Variants in MROH9 observed in about 807,000 individuals in gnomAD.
MROH9 encodes maestro heat like repeat family member 9.
MROH9 carries 92 observed loss-of-function variants against 98.2 expected under a neutral mutation model. That is an observed-to-expected ratio of 0.94 (90% confidence interval 0.79 to 1.11). MROH9 has a LOEUF of 1.11. Ranked by LOEUF, MROH9 falls within the 50% of genes most tolerant of loss-of-function variation. The pLI is 0.00. For missense variants in MROH9, 1,057 were observed against 1,014.8 expected, an observed-to-expected ratio of 1.04 and a Z score of -0.57; for synonymous variants, 397 against 368.9, an observed-to-expected ratio of 1.08 and a Z score of -0.87.
chr1:170,965,526 C>A (rs1314855654), intron 7 of MROH9, among the ~76,000 whole-genome samples: 2 of 152,142 alleles, frequency 1.3e-5, no homozygotes, highest in Non-Finnish European at 2.9e-5. Flanking sequence ...CTGAAATTTC[C>A]TCTGTAGACC....
chr1:171,016,267 C>T lies in MROH9; in HGVS notation c.1839C>T (p.Asn613=), dbSNP rs16863939. 0.012 allele frequency: 17,966 copies of T among 1,538,968 alleles called. 1,075 individuals are homozygous for T. The African/African-American group carries it at 0.16, about 14-fold the overall frequency. Residue 613 remains asparagine, a synonymous_variant, in exon 17 of 22, where the codon AAC becomes AAT. Transcript: ENST00000367759. Reference sequence around the variant, plus strand: ...TGCTCACCCTTAGAAGGCTTTTAAACGAACTGGACAAAGTGACCTACTCTT... The same window carrying T: ...TGCTCACCCTTAGAAGGCTTTTAAATGAACTGGACAAAGTGACCTACTCTT... The part of the protein sequence containing the change: ...QALLTLRRLL[N]ELDKVTYSLG...
chr1:171,016,420 A>G, intron 17 of MROH9, 84 bp downstream of exon 17: 1 of 1,078,138 alleles, frequency 9.3e-7, no homozygotes, highest in South Asian at 3.0e-5. Context: ...GTTAGGTCAC[A>G]GAATAAGCCA....
intron 1 of MROH9, among the ~76,000 whole-genome samples, chr1:170,941,444 T>C (rs1484061253): frequency 6.6e-6 from 1 of 152,224 alleles, no homozygotes; most frequent in Non-Finnish European, 1.5e-5. Context: ...CTAGAACTTT[T>C]ATGCTTATAC....
intron 15 of MROH9, among the ~76,000 whole-genome samples, chr1:171,005,836 C>T (rs1475754508): frequency 6.6e-6 from 1 of 152,154 alleles, no homozygotes; most frequent in Non-Finnish European, 1.5e-5. Flanking sequence ...TCCTTACCTG[C>T]TCCCATTTTA....
At position 170,996,558 on chromosome 1, in the gene MROH9, G is replaced by T; in HGVS notation, c.1389G>T (p.Gln463His). 6.2e-7 allele frequency: 1 copy of T among 1,613,662 alleles called. No individual in the cohort carries two copies. The highest frequency in any genetic ancestry group is 8.5e-7 in the Non-Finnish European group (1 of 1,179,710). The stretch of plus-strand genomic sequence containing the variant: ...TGCTGAATTGTTCTGGACTGCAACA[G>T]GTGGATATTACTCTAATGAAGGAGA... ...RVLLNCSGLQ[Q>H]VDITLMKENF... Residue 463 changes from glutamine (Q) to histidine (H), a missense_variant, in exon 14 of 22, where the codon CAG becomes CAT. Gln to His is a conservative substitution (Grantham distance 24, BLOSUM62 0). Coordinates refer to ENST00000367759, the MANE Select transcript of MROH9 (RefSeq NM_001163629.2).
chr1:170,939,696 A>G (rs1184404261), intron 1 of MROH9, among the ~76,000 whole-genome samples: 9 of 152,104 alleles, frequency 5.9e-5, no homozygotes, highest in Admixed American at 5.9e-4. Flanking sequence ...GTGCACACCC[A>G]ACTTTATGGC....
intron 20 of MROH9, among the ~76,000 whole-genome samples, chr1:171,044,843 C>T (rs1653411849): frequency 6.6e-6 from 1 of 151,180 alleles, no homozygotes. Context: ...TTTGGATCCT[C>T]TCCCTTTTTT....
intron 8 of MROH9, among the ~76,000 whole-genome samples, chr1:170,980,870 T>A (rs888164873): frequency 3.3e-5 from 5 of 152,140 alleles, no homozygotes. Flanking sequence ...AATCTATCCA[T>A]GTGACAAAGG....
chr1:171,003,247 C>A (rs1351391880), intron 15 of MROH9, among the ~76,000 whole-genome samples: 1 of 152,042 alleles, frequency 6.6e-6, no homozygotes, highest in East Asian at 1.9e-4. Context: ...TCAGGAAAAT[C>A]AGGGATTTCT....
At position 170,992,206 on chromosome 1, in the gene MROH9, C is replaced by T. The variant is rs760239861; in HGVS notation, c.1071C>T (p.Ser357=). The part of the protein sequence containing the change: ...QMWKAACSQA[S]VAPHVLKTIL... ...GGAAGGCGGCATGTTCTCAGGCGAG[C>T]GTGGCCCCTCACGTGCTGAAGACAA... The change falls in exon 12 of 22, where the codon AGC becomes AGT. Residue 357 remains serine, a synonymous_variant. Transcript: ENST00000367759. The T allele has an allele frequency of 5.0e-6, 8 of 1,612,886 alleles. No homozygotes were observed. The highest frequency in any genetic ancestry group is 2.7e-5 in the African/African-American group (2 of 74,952).
At chr1:171,005,634 G>A (rs1173899904) in intron 15 of MROH9, among the ~76,000 whole-genome samples, 1 of 152,078 alleles carries the variant, frequency 6.6e-6, no homozygotes, top group African/African-American at 2.4e-5. Flanking sequence ...GTATTCTGCA[G>A]CTTTACTGAA....
chr1:170,949,401 G>A (rs16863856), intron 3 of MROH9, among the ~76,000 whole-genome samples: 8,451 of 152,130 alleles, frequency 0.056, 340 homozygotes, highest in Middle Eastern at 0.13. Flanking sequence ...TGTGGATGGA[G>A]AGGTAAGCAC....
intron 19 of MROH9, 34 bp from the exon 20 acceptor site, chr1:171,025,284 C>T (rs536588158): frequency 1.4e-4 from 182 of 1,324,208 alleles, no homozygotes; most frequent in Non-Finnish European, 1.8e-4. Flanking sequence ...TTTCAGCAAT[C>T]GAGTGAGGTG....
chr1:171,040,031 C>T (rs1259678786), intron 20 of MROH9, among the ~76,000 whole-genome samples: 1 of 151,856 alleles, frequency 6.6e-6, no homozygotes, highest in African/African-American at 2.4e-5. Context: ...TAGATGGTCC[C>T]TCCTGAAAAA....
chr1:171,019,014 A>T (rs1300911065), intron 17 of MROH9, among the ~76,000 whole-genome samples: 1 of 152,230 alleles, frequency 6.6e-6, no homozygotes, highest in African/African-American at 2.4e-5. Flanking sequence ...CAGAATGTAC[A>T]TTCTTCTCAG....
chr1:170,951,987 A>G (rs1401176868), intron 3 of MROH9, among the ~76,000 whole-genome samples: 1 of 151,190 alleles, frequency 6.6e-6, no homozygotes, highest in Non-Finnish European at 1.5e-5. Flanking sequence ...CAGCCAAAAG[A>G]CACATGAAAA....
chr1:170,956,341 A>T (rs1027287432), intron 3 of MROH9, among the ~76,000 whole-genome samples: 1 of 151,984 alleles, frequency 6.6e-6, no homozygotes, highest in African/African-American at 2.4e-5. Context: ...TTTTTTTTCT[A>T]ATTCTATGAA....
chr1:171,032,593 C>T (rs577336256), intron 20 of MROH9, among the ~76,000 whole-genome samples: 5 of 152,208 alleles, frequency 3.3e-5, no homozygotes, highest in East Asian at 3.9e-4. Flanking sequence ...GATTCACTCC[C>T]GTGCCTGGAG....
At chr1:170,993,937 C>T (rs1263344198) in intron 12 of MROH9, among the ~76,000 whole-genome samples, 1 of 151,996 alleles carries the variant, frequency 6.6e-6, no homozygotes, top group Non-Finnish European at 1.5e-5. Context: ...CTCCAATTTG[C>T]TATATACTAC....
Sources: gnomAD v4.1 joint callset for allele counts (sites outside exome capture counted in the v4.1 genomes callset) on GRCh38, gnomAD v4.1.1 for gene constraint, MANE v1.5 for transcripts, NCBI Gene and HGNC (gene_info 2026-07-23, HGNC 2026-07-21) for gene names.